ZC3H18: variants seen among roughly 807,000 people sequenced by gnomAD.
ZC3H18 encodes the protein zinc finger CCCH-type containing 18, also known as zinc finger CCCH domain-containing protein 18.
Under a neutral mutation model 106.1 loss-of-function variants are expected in ZC3H18, and 8 were observed. The observed-to-expected ratio is 0.08, with a 90% CI of 0.04 to 0.14. The LOEUF (loss-of-function observed/expected upper bound fraction) is 0.14, where lower values mean the gene tolerates loss of function less well. Ranked by LOEUF, ZC3H18 falls within the 10% of genes least tolerant of loss-of-function variation. The probability of loss-of-function intolerance (pLI) is 1.00; values close to 1 mark genes in which losing one functional copy is unlikely to be tolerated. For missense variants in ZC3H18, 1,318 were observed against 1,278.4 expected (o/e 1.03, Z -0.47); for synonymous variants, 635 against 522.1 (o/e 1.22, Z -2.95).
At chr16:88,612,384 G>A (rs539387322) in intron 8 of ZC3H18, among the ~76,000 whole-genome samples, 71 of 152,070 alleles carry the variant, frequency 4.7e-4, no homozygotes, top group African/African-American at 1.6e-3. Context: ...CCCCTAAAGT[G>A]AAACCTTGCG....
At chr16:88,607,679 C>T (rs902098730) in intron 6 of ZC3H18, among the ~76,000 whole-genome samples, 2 of 151,336 alleles carry the variant, frequency 1.3e-5, no homozygotes, top group East Asian at 1.9e-4. Context: ...CATTTATTCA[C>T]ACACGCTTCA....
intron 13 of ZC3H18, 178 bp downstream of exon 13, chr16:88,625,445 C>T: frequency 1.4e-6 from 1 of 717,892 alleles, no homozygotes; most frequent in South Asian, 1.9e-5. Flanking sequence ...GAAAATGGGC[C>T]AGGACTCGTG....
At chr16:88,575,144 A>G (rs954096875) in intron 1 of ZC3H18, among the ~76,000 whole-genome samples, 1 of 148,594 alleles carries the variant, frequency 6.7e-6, no homozygotes, top group African/African-American at 2.5e-5. Context: ...TGTGTACTTA[A>G]TCTTAATGAT....
At chr16:88,600,970 C>T (rs549465739) in intron 6 of ZC3H18, among the ~76,000 whole-genome samples, 53 of 152,342 alleles carry the variant, frequency 3.5e-4, no homozygotes, top group Admixed American at 1.2e-3. Flanking sequence ...TGATTTCTAT[C>T]TGGAGTGACA....
chr16:88,599,176 A>C (rs1353217312), intron 5 of ZC3H18, among the ~76,000 whole-genome samples: 1 of 152,168 alleles, frequency 6.6e-6, no homozygotes, highest in Non-Finnish European at 1.5e-5. Flanking sequence ...GTCTCCAGCC[A>C]CTCACAGAAA....
chr16:88,590,282 A>G lies in ZC3H18; in HGVS notation c.688+3598A>G, dbSNP rs117493716. 7.7e-4 allele frequency among the ~76,000 whole-genome samples: 117 copies of G among 152,336 alleles called. 2 individuals are homozygous for G. In the East Asian group the frequency reaches 0.02, roughly 26 times the overall value. On this transcript the variant is annotated intron_variant, in intron 3 of 17. Transcript: ENST00000301011. ...AGCTTTATCTCCGACACGTTGTGAT[A>G]TAGAGATTAATCATTTAATCGCTTA...
At chr16:88,602,500 T>C (rs11076685) in intron 6 of ZC3H18, among the ~76,000 whole-genome samples, 51,942 of 152,044 alleles carry the variant, frequency 0.34, 9,533 homozygotes, top group Middle Eastern at 0.45. Context: ...GATTCTTAGC[T>C]CGACCCCAGG....
chr16:88,606,884 G>A (rs191436179), intron 6 of ZC3H18, among the ~76,000 whole-genome samples: 255 of 152,276 alleles, frequency 1.7e-3, no homozygotes, highest in Non-Finnish European at 3.1e-3. Flanking sequence ...GCCACCCATC[G>A]CTGGAGCCAC....
Position 88,631,869 on chromosome 16 carries a change from A to G in ZC3H18, c.*570A>G. Reference sequence around the variant, plus strand: ...ATTTAAAAAGGAAAAAATACAGAAAAGACCAAAAAAAGGCCAAGGGTGTTG... The same window carrying G: ...ATTTAAAAAGGAAAAAATACAGAAAGGACCAAAAAAAGGCCAAGGGTGTTG... On this transcript the variant is annotated 3_prime_UTR_variant, in exon 18 of 18. Transcript: ENST00000301011. 1 of 295,082 alleles carries G rather than the reference A, an allele frequency of 3.4e-6. No homozygotes were observed. The highest frequency in any genetic ancestry group is 6.6e-6 in the Non-Finnish European group (1 of 150,872). 18.3% of individuals were successfully genotyped at this position (295,082 alleles called of 1,614,324 possible).
chr16:88,608,081 G>C (rs765362702), intron 6 of ZC3H18, among the ~76,000 whole-genome samples: 1 of 152,098 alleles, frequency 6.6e-6, no homozygotes, highest in Non-Finnish European at 1.5e-5. Flanking sequence ...TTCATTGTTT[G>C]TTTGAATTGG....
intron 8 of ZC3H18, among the ~76,000 whole-genome samples, chr16:88,615,306 C>G (rs901763675): frequency 6.6e-6 from 1 of 152,022 alleles, no homozygotes; most frequent in African/African-American, 2.4e-5. Flanking sequence ...ACAGGGAAGT[C>G]TCCCCATCCC....
At chr16:88,571,139 A>G (rs553954214) in intron 1 of ZC3H18, among the ~76,000 whole-genome samples, 8 of 152,344 alleles carry the variant, frequency 5.3e-5, no homozygotes, top group African/African-American at 1.9e-4. Flanking sequence ...GGTCCTTTAT[A>G]TAGACCAACT....
intron 17 of ZC3H18, 39 bp downstream of exon 17, chr16:88,630,620 G>A (rs752254111): frequency 1.9e-6 from 3 of 1,553,286 alleles, no homozygotes; most frequent in African/African-American, 2.7e-5. Context: ...CACACCGAGG[G>A]GGCCAGCCCC....
Position 88,598,623 on chromosome 16 carries a change from G to A in ZC3H18, c.841G>A (p.Gly281Arg), listed in dbSNP as rs750105290. ...HPLMPANPWG[G>R]PVVDEILPPP... is the part of the protein sequence containing the mutation. ...CTCCCTTCTCGTTTTTCAATAGGGT[G>A]GGCCGGTAGTTGATGAAATTTTGCC... is the stretch of plus-strand genomic sequence containing the variant. The change falls in exon 5 of 18, where the codon GGG (glycine) becomes AGG (arginine). Residue 281 changes from glycine (G) to arginine (R), a missense_variant. Gly to Arg is a moderately radical substitution (Grantham distance 125, BLOSUM62 -2). Around this residue, in one of 6 missense-constraint regions of ZC3H18, gnomAD observed 78 missense variants for 67.3 expected, o/e 1.16. Coordinates refer to ENST00000301011, the MANE Select transcript of ZC3H18 (RefSeq NM_144604.4). 6.2e-7 allele frequency: 1 copy of A among 1,609,246 alleles called. No homozygotes were observed. The highest frequency in any genetic ancestry group is 8.5e-7 in the Non-Finnish European group (1 of 1,177,404).
intron 3 of ZC3H18, among the ~76,000 whole-genome samples, chr16:88,597,679 T>C (rs138510288): frequency 6.6e-6 from 1 of 152,306 alleles, no homozygotes; most frequent in African/African-American, 2.4e-5. Flanking sequence ...AAATGCCCTG[T>C]GAGAGTTTTC....
At chr16:88,617,388 T>G (rs753321243) in intron 8 of ZC3H18, among the ~76,000 whole-genome samples, 9 of 152,220 alleles carry the variant, frequency 5.9e-5, no homozygotes, top group Non-Finnish European at 8.8e-5. Flanking sequence ...TTAAAATGAT[T>G]AGAGCAGAAC....
chr16:88,580,608 C>G (rs1020884597), intron 2 of ZC3H18, among the ~76,000 whole-genome samples: 3 of 152,168 alleles, frequency 2.0e-5, no homozygotes, highest in African/African-American at 7.2e-5. Context: ...TGCCGTATCT[C>G]CACCAAGCCC....
chr16:88,577,639 G>C lies in ZC3H18; in HGVS notation c.516G>C (p.Gln172His), dbSNP rs762542605. The C allele has an allele frequency of 3.1e-6, 5 of 1,613,870 alleles. No homozygotes were observed. In the African/African-American group the frequency reaches 5.3e-5, roughly 17 times the overall value. ...GGGAGGAGGGGAAGGCTGGTGTTCA[G>C]AGTGTGGGAGAAAAGGAATCCCTGG... ...TPREEGKAGV[Q>H]SVGEKESLEA... Residue 172 changes from glutamine (Q) to histidine (H), a missense_variant, in exon 2 of 18, where the codon CAG (glutamine) becomes CAC (histidine). Transcript: ENST00000301011.
At chr16:88,605,185 C>A (rs994732248) in intron 6 of ZC3H18, among the ~76,000 whole-genome samples, 3 of 152,226 alleles carry the variant, frequency 2.0e-5, no homozygotes, top group Non-Finnish European at 4.4e-5. Context: ...GGGAAGCCCC[C>A]TGAGTGAGCA....
Sources: allele counts gnomAD v4.1 joint callset (sites outside exome capture counted in the v4.1 genomes callset), GRCh38; gene constraint gnomAD v4.1.1; regional missense constraint gnomAD v4.1.1; transcripts MANE v1.5; gene names NCBI Gene and HGNC (gene_info 2026-07-23, HGNC 2026-07-21).